RPS6KA6: variants seen among roughly 807,000 people sequenced by gnomAD.
The protein encoded by RPS6KA6 is ribosomal protein S6 kinase alpha-6.
Under a neutral mutation model 65.4 loss-of-function variants are expected in RPS6KA6, and 27 were observed. The observed-to-expected ratio is 0.41, with a 90% CI of 0.30 to 0.57. RPS6KA6 has a LOEUF of 0.57. Ranked by LOEUF, RPS6KA6 falls within the 20% of genes least tolerant of loss-of-function variation. The pLI, the probability that RPS6KA6 is intolerant of heterozygous loss-of-function variation, is 0.24. For missense variants in RPS6KA6, 486 were observed against 555.6 expected, an observed-to-expected ratio of 0.87 and a Z score of 1.26; for synonymous variants, 190 against 184.2, an observed-to-expected ratio of 1.03 and a Z score of -0.26.
chrX:84,182,311 T>C (rs1200137093), intron 1 of RPS6KA6, among the ~76,000 whole-genome samples: 1 of 111,004 alleles, frequency 9.0e-6, no homozygotes. Flanking sequence ...AAAAAAAATA[T>C]TGGCAGCAAC....
chrX:84,126,449 A>C (rs941848034), intron 8 of RPS6KA6, among the ~76,000 whole-genome samples: 1 of 111,298 alleles, frequency 9.0e-6, no homozygotes, highest in Non-Finnish European at 1.9e-5. Flanking sequence ...CAGACAGAAA[A>C]CTCAACAATG....
intron 20 of RPS6KA6, among the ~76,000 whole-genome samples, chrX:84,071,491 G>T (rs757593265): frequency 9.0e-6 from 1 of 111,435 alleles, no homozygotes; most frequent in African/African-American, 3.3e-5. Flanking sequence ...GGACCCAAAA[G>T]TATGAAACTG....
At chrX:84,163,440 C>T (rs1185262735) in intron 2 of RPS6KA6, among the ~76,000 whole-genome samples, 1 of 106,327 alleles carries the variant, frequency 9.4e-6, no homozygotes, top group Non-Finnish European at 1.9e-5. Flanking sequence ...GAGATCGAGA[C>T]CATCCTGGCT....
chrX:84,138,281 A>G (rs1428117269), intron 6 of RPS6KA6, among the ~76,000 whole-genome samples: 1 of 111,344 alleles, frequency 9.0e-6, no homozygotes, highest in Non-Finnish European at 1.9e-5. Context: ...TTGCTTATGC[A>G]CATTACCAAG....
At chrX:84,161,176 T>C (rs915158533) in intron 2 of RPS6KA6, among the ~76,000 whole-genome samples, 1 of 111,570 alleles carries the variant, frequency 9.0e-6, no homozygotes, top group Non-Finnish European at 1.9e-5. Flanking sequence ...CCCATAAACC[T>C]ATTGTAAGTT....
chrX:84,106,822 C>T, intron 14 of RPS6KA6, 88 bp downstream of exon 14: 2 of 751,221 alleles, frequency 2.7e-6, no homozygotes, highest in Non-Finnish European at 3.8e-6. Context: ...AGTTAAAAAT[C>T]ACTTTAAAAA....
intron 14 of RPS6KA6, 49 bp from the exon 15 acceptor site, chrX:84,106,536 C>A (rs1245368517): frequency 2.3e-6 from 2 of 876,622 alleles, no homozygotes; most frequent in East Asian, 7.1e-5. Context: ...AATATTTTCA[C>A]ATTTTCTGTC....
intron 20 of RPS6KA6, among the ~76,000 whole-genome samples, chrX:84,068,591 GAAAT>G (rs1234915497): frequency 9.0e-6 from 1 of 111,607 alleles, no homozygotes; most frequent in Non-Finnish European, 1.9e-5. Context: ...GCAAGAAAAA[GAAAT>G]AAAGGTATTC....
intron 6 of RPS6KA6, among the ~76,000 whole-genome samples, chrX:84,142,384 T>C (rs2035121985): frequency 1.8e-5 from 2 of 111,241 alleles, no homozygotes; most frequent in Admixed American, 9.6e-5. Flanking sequence ...GGGGAATTTA[T>C]AACACTAAAC....
At chrX:84,076,606 C>G (rs776880705) in intron 20 of RPS6KA6, among the ~76,000 whole-genome samples, 14 of 111,355 alleles carry the variant, frequency 1.3e-4, no homozygotes, top group Non-Finnish European at 2.1e-4. Flanking sequence ...CATTCATCTC[C>G]AATACAAATT....
chrX:84,125,085 ATC>A (rs748157249), intron 8 of RPS6KA6, among the ~76,000 whole-genome samples: 1 of 112,134 alleles, frequency 8.9e-6, no homozygotes, highest in South Asian at 3.7e-4. Flanking sequence ...AGAAATAAAG[ATC>A]TTCCCAGACA....
intron 2 of RPS6KA6, among the ~76,000 whole-genome samples, chrX:84,159,582 C>T (rs1320867712): frequency 9.0e-6 from 1 of 111,025 alleles, no homozygotes; most frequent in Admixed American, 9.7e-5. Flanking sequence ...CTGTGCTGCA[C>T]ACTGGGGATA....
At chrX:84,148,016 T>C in intron 4 of RPS6KA6, 26 bp downstream of exon 4, 1 of 963,311 alleles carries the variant, frequency 1.0e-6, no homozygotes, top group Non-Finnish European at 1.4e-6. Flanking sequence ...TCAAATTCTA[T>C]TTTAATAAAC....
chrX:84,122,121 T>C lies in RPS6KA6; in HGVS notation c.647-2094A>G, dbSNP rs769437636. ...CACAGTACTTAGTTTTAACTTCATA[T>C]TGCTGAAAGAGGCACTGAAGAGGGT... On this transcript the variant is annotated intron_variant, in intron 8 of 21. Coordinates refer to ENST00000262752, the MANE Select transcript of RPS6KA6 (RefSeq NM_014496.5). Among the ~76,000 whole-genome samples the C allele has an allele frequency of 2.7e-5, 3 of 111,737 alleles. No individual in the cohort carries two copies. The South Asian group carries it at 1.1e-3, about 42-fold the overall frequency.
chrX:84,077,858 G>A (rs1164216764), intron 20 of RPS6KA6, among the ~76,000 whole-genome samples: 1 of 111,772 alleles, frequency 8.9e-6, no homozygotes, highest in Non-Finnish European at 1.9e-5. Context: ...GTTCAAAGTA[G>A]AGTTTCTATT....
chrX:84,117,071 G>C lies in RPS6KA6; in HGVS notation c.938C>G (p.Ala313Gly). 1 of 1,164,953 alleles carries C rather than the reference G, an allele frequency of 8.6e-7. No individual in the cohort carries two copies. The highest frequency in any genetic ancestry group is 1.2e-6 in the Non-Finnish European group (1 of 864,268). ...AAAATAAGCAATACCCAATCTATTTGCTGGATTCCTTTTGAATAACATCCT... is the reference window on the plus strand; with the variant it reads ...AAAATAAGCAATACCCAATCTATTTCCTGGATTCCTTTTGAATAACATCCT... ...LLRMLFKRNPANRLGSEGVEE... is the reference protein window; with the variant it reads ...LLRMLFKRNPGNRLGSEGVEE... Residue 313 changes from alanine to glycine, a missense_variant, in exon 11 of 22, where the codon GCA (alanine) becomes GGA (glycine). By Grantham distance (60) the Ala-to-Gly change is moderately conservative. Coordinates refer to ENST00000262752, the MANE Select transcript of RPS6KA6 (RefSeq NM_014496.5).
At chrX:84,092,178 T>C in intron 20 of RPS6KA6, among the ~76,000 whole-genome samples, 1 of 111,157 alleles carries the variant, frequency 9.0e-6, no homozygotes, top group East Asian at 2.8e-4. Flanking sequence ...ATCCTGCACA[T>C]GTTTCCCAGA....
In RPS6KA6 at chrX:84,187,970, A is replaced by G. The variant is rs1424754780; in HGVS notation, c.-71T>C. Reference sequence around the variant, plus strand: ...CGCGGCCGCGCATCCTGTCTATTGAACTGGCCCGCCGCCGCCGCCGCCGCC... The same window carrying G: ...CGCGGCCGCGCATCCTGTCTATTGAGCTGGCCCGCCGCCGCCGCCGCCGCC... On this transcript the variant is annotated 5_prime_UTR_variant, in exon 1 of 22. Transcript: ENST00000262752. 16 of 859,051 alleles carry G rather than the reference A, an allele frequency of 1.9e-5. No homozygotes were observed. Among genetic ancestry groups the G allele is most frequent in the African/African-American group, 2.2e-5 (1 of 44,977 alleles). The allele number at this position is 859,051 out of a possible 1,213,427, so 70.8% of individuals were successfully genotyped here.
intron 1 of RPS6KA6, among the ~76,000 whole-genome samples, chrX:84,169,677 TGAA>T (rs921024604): frequency 9.0e-6 from 1 of 111,465 alleles, no homozygotes; most frequent in African/African-American, 3.3e-5. Flanking sequence ...TGTGCACCTC[TGAA>T]GAAGAAAGTA....
Sources: gnomAD v4.1 joint callset for allele counts (sites outside exome capture counted in the v4.1 genomes callset) on GRCh38, gnomAD v4.1.1 for gene constraint, MANE v1.5 for transcripts, NCBI Gene and HGNC (gene_info 2026-07-23, HGNC 2026-07-21) for gene names.